Variants in KLHDC4 observed in about 807,000 individuals in gnomAD.
The protein encoded by KLHDC4 is kelch domain containing 4.
KLHDC4 carries 90 observed loss-of-function variants against 62.4 expected under a neutral mutation model. That is an observed-to-expected ratio of 1.44 (90% CI 1.22 to 1.72). KLHDC4 has a LOEUF of 1.72. KLHDC4 is among the 40% of genes most tolerant of loss of function. The probability of loss-of-function intolerance (pLI) is 0.00; values close to 1 mark genes in which losing one functional copy is unlikely to be tolerated. For missense variants in KLHDC4, 1,025 were observed against 699.7 expected (o/e 1.47, Z -5.25); for synonymous variants, 386 against 284.4 (o/e 1.36, Z -3.59).
rs1249823959 is a variant in KLHDC4, at chr16:87,765,815, A to T, written c.76T>A (p.Ser26Thr). 1 of 1,569,094 alleles carries T rather than the reference A, an allele frequency of 6.4e-7. No homozygotes were observed. The highest frequency in any genetic ancestry group is 8.6e-7 in the Non-Finnish European group (1 of 1,156,736). ...ACCTCCTCCTTCCGCGAGCGCTTAGACACCTTCTTCTCCATCTTGGCGGCC... is the reference window on the plus strand; with the variant it reads ...ACCTCCTCCTTCCGCGAGCGCTTAGTCACCTTCTTCTCCATCTTGGCGGCC... ...KTAAKMEKKV[S>T]KRSRKEEEDL... The change falls in exon 1 of 12, where the codon TCT (serine) becomes ACT (threonine). Residue 26 changes from serine to threonine, a missense_variant. By Grantham distance (58) the Ser-to-Thr change is moderately conservative. Transcript: ENST00000270583.
At chr16:87,741,357 T>G (rs1040810941) in intron 5 of KLHDC4, among the ~76,000 whole-genome samples, 1 of 152,098 alleles carries the variant, frequency 6.6e-6, no homozygotes. Context: ...CAGCAGGAGG[T>G]GAGGGGGCCA....
At chr16:87,707,777 G>A (rs1000990873), downstream of KLHDC4, 5 of 360,384 alleles carry the variant, frequency 1.4e-5, no homozygotes, top group South Asian at 1.0e-4. Flanking sequence ...ACTGCGGTGT[G>A]CCTAGGGCCA....
intron 7 of KLHDC4, among the ~76,000 whole-genome samples, chr16:87,721,745 C>G (rs189144724): frequency 7.4e-4 from 113 of 152,356 alleles, no homozygotes; most frequent in African/African-American, 2.5e-3. Context: ...TCCACGGCCT[C>G]GCGGTAACAG....
In KLHDC4 at chr16:87,750,686, C is replaced by CT. The variant is rs746576061; in HGVS notation, c.370-1878dup. ...CTCAGCAGGCTCCCTCCCGGCACCT[C>CT]TGAGTCGGTGTTCCGCCCGCCCGCA... On this transcript the variant is annotated intron_variant, in intron 4 of 11. Transcript: ENST00000270583. 7.2e-5 allele frequency among the ~76,000 whole-genome samples: 11 copies of CT among 152,342 alleles called. No individual in the cohort carries two copies. The East Asian group carries it at 1.7e-3, about 24-fold the overall frequency.
chr16:87,765,716 C>G (rs961916212), intron 1 of KLHDC4, 76 bp downstream of exon 1: 4 of 1,414,296 alleles, frequency 2.8e-6, no homozygotes, highest in Admixed American at 4.4e-5. Context: ...GACCCGTAAC[C>G]CCGGGGGGCG....
chr16:87,763,320 G>A (rs1435653088), intron 1 of KLHDC4, among the ~76,000 whole-genome samples: 2 of 152,192 alleles, frequency 1.3e-5, no homozygotes, highest in African/African-American at 4.8e-5. Flanking sequence ...GTCATTAAAT[G>A]GACTGGGCAC....
At chr16:87,709,751 G>T in intron 9 of KLHDC4, 84 bp from the exon 10 acceptor site, 3 of 1,426,362 alleles carry the variant, frequency 2.1e-6, no homozygotes, top group South Asian at 2.8e-5. Context: ...CCAGGCAAGG[G>T]TTTGCGGGGA....
intron 7 of KLHDC4, among the ~76,000 whole-genome samples, chr16:87,723,383 T>C (rs2038790863): frequency 6.6e-6 from 1 of 152,260 alleles, no homozygotes; most frequent in Non-Finnish European, 1.5e-5. Flanking sequence ...TGCACGTGGC[T>C]GCAGACAGCA....
At chr16:87,745,111 T>G (rs546831698) in intron 5 of KLHDC4, among the ~76,000 whole-genome samples, 6 of 152,360 alleles carry the variant, frequency 3.9e-5, no homozygotes, top group African/African-American at 1.2e-4. Context: ...ATCCTTAAAC[T>G]TGGGGGTCAG....
Position 87,742,611 on chromosome 16 carries a change from G to C in KLHDC4, c.506+6062C>G, listed in dbSNP as rs2042396842. Among the ~76,000 whole-genome samples, 3 of 152,130 alleles carry C rather than the reference G, an allele frequency of 2.0e-5. No individual in the cohort carries two copies. In the South Asian group the frequency reaches 6.2e-4, roughly 32 times the overall value. ...GTGGAGAGGGTACAAGGAGAGGTTA[G>C]GGTAAAACACAGATTCCTCAACCAC... On this transcript the variant is annotated intron_variant, in intron 5 of 11. Transcript: ENST00000270583.
At chr16:87,726,141 GAA>G (rs2039331380) in intron 7 of KLHDC4, among the ~76,000 whole-genome samples, 1 of 152,008 alleles carries the variant, frequency 6.6e-6, no homozygotes, top group African/African-American at 2.4e-5. Flanking sequence ...TCATGAAACT[GAA>G]GAGACCACAG....
chr16:87,755,420 A>T, intron 3 of KLHDC4, 128 bp from the exon 4 acceptor site: 29 of 530,302 alleles, frequency 5.5e-5, no homozygotes, highest in Non-Finnish European at 9.0e-5. Flanking sequence ...ATACCAGCAC[A>T]GGGAGGCCAT....
intron 1 of KLHDC4, chr16:87,765,458 C>T: frequency 2.0e-6 from 1 of 501,518 alleles, no homozygotes; most frequent in South Asian, 1.6e-5. Flanking sequence ...CCTCCCTCTT[C>T]TCACCACCCA....
At chr16:87,713,789 A>C (rs536189365) in intron 8 of KLHDC4, among the ~76,000 whole-genome samples, 53 of 152,346 alleles carry the variant, frequency 3.5e-4, no homozygotes, top group African/African-American at 1.2e-3. Flanking sequence ...AGGTCATCCC[A>C]TGTCATCCTT....
chr16:87,735,036 T>TCC (rs138455023), intron 5 of KLHDC4, among the ~76,000 whole-genome samples: 4 of 71,998 alleles, frequency 5.6e-5, no homozygotes, highest in African/African-American at 1.5e-4. Flanking sequence ...CGACGCCCCC[T>TCC]CCCCCCCAGA....
intron 7 of KLHDC4, among the ~76,000 whole-genome samples, chr16:87,722,367 A>C (rs1651589270): frequency 6.6e-6 from 1 of 152,182 alleles, no homozygotes; most frequent in African/African-American, 2.4e-5. Context: ...AGGAGGAAGG[A>C]GGGCAGGTGT....
chr16:87,719,868 C>T (rs1337523295), intron 7 of KLHDC4, among the ~76,000 whole-genome samples: 1 of 152,210 alleles, frequency 6.6e-6, no homozygotes, highest in Non-Finnish European at 1.5e-5. Context: ...GGCTGAGACC[C>T]CAGAGCCCAG....
In KLHDC4 at chr16:87,701,019, G is replaced by A; in HGVS notation, c.*620C>T. The A allele has an allele frequency of 1.4e-5, 3 of 207,024 alleles. No individual in the cohort carries two copies. In the South Asian group the frequency reaches 1.9e-4, roughly 13 times the overall value. The allele number at this position is 207,024 out of a possible 1,614,324, so 12.8% of individuals were successfully genotyped here. A position where few individuals can be genotyped will look rare whatever the true frequency, so the allele number is the denominator to read the frequency against. On this transcript the variant is annotated 3_prime_UTR_variant, in exon 1 of 1. Transcript: ENST00000446344. ...AGCGACTGTCCCCAGGTGCCAAGGA[G>A]GTTGCTGGCTCAGCCTTCAAAACAA...
chr16:87,745,019 T>C (rs191367903), intron 5 of KLHDC4, among the ~76,000 whole-genome samples: 86 of 152,392 alleles, frequency 5.6e-4, no homozygotes, highest in Middle Eastern at 3.4e-3. Flanking sequence ...TGCAGGCTTT[T>C]TTCCAAGCAT....
Sources: gnomAD v4.1 joint callset for allele counts (sites outside exome capture counted in the v4.1 genomes callset) on GRCh38, gnomAD v4.1.1 for gene constraint, MANE v1.5 for transcripts, NCBI Gene and HGNC (gene_info 2026-07-23, HGNC 2026-07-21) for gene names.